The following TRERF1 variants were observed in gnomAD, a reference collection of about 807,000 sequenced individuals.
TRERF1 encodes transcriptional-regulating factor 1.
In TRERF1, 27 loss-of-function variants were observed where a neutral mutation model predicts 122.9. The observed-to-expected ratio is 0.22, with a 90% CI of 0.16 to 0.30. The LOEUF is 0.30. Ranked by LOEUF, TRERF1 falls within the 10% of genes least tolerant of loss-of-function variation. The probability of loss-of-function intolerance (pLI) is 1.00; values close to 1 mark genes in which losing one functional copy is unlikely to be tolerated. For synonymous variants in TRERF1, 636 were observed against 641.7 expected, an observed-to-expected ratio of 0.99 and a Z score of 0.13; for missense variants, 1,248 against 1,560.3, an observed-to-expected ratio of 0.80 and a Z score of 3.37.
chr6:42,314,769 A>G (rs182880590), intron 3 of TRERF1, among the ~76,000 whole-genome samples: 1 of 152,318 alleles, frequency 6.6e-6, no homozygotes, highest in East Asian at 1.9e-4. Flanking sequence ...AGGAACAGCA[A>G]GAGCCCTGTG....
At chr6:42,271,744 C>T (rs953779833) in intron 4 of TRERF1, among the ~76,000 whole-genome samples, 1 of 152,000 alleles carries the variant, frequency 6.6e-6, no homozygotes, top group Non-Finnish European at 1.5e-5. Context: ...TGTGATAACT[C>T]AAACCAGAAG....
At chr6:42,350,686 A>G (rs1033017281) in intron 3 of TRERF1, among the ~76,000 whole-genome samples, 3 of 152,214 alleles carry the variant, frequency 2.0e-5, no homozygotes, top group African/African-American at 7.2e-5. Context: ...ACAGGTCAGG[A>G]AAAAGAGTCT....
intron 2 of TRERF1, among the ~76,000 whole-genome samples, chr6:42,434,096 G>A (rs1294714397): frequency 6.6e-6 from 1 of 152,088 alleles, no homozygotes; most frequent in Non-Finnish European, 1.5e-5. Context: ...AGAAATGACT[G>A]GTGCTGTGGA....
intron 2 of TRERF1, among the ~76,000 whole-genome samples, chr6:42,403,939 C>A (rs111676467): frequency 1.3e-5 from 2 of 152,126 alleles, no homozygotes; most frequent in African/African-American, 4.8e-5. Flanking sequence ...AGACCCCCCC[C>A]AGGCCTTGCC....
chr6:42,300,368 T>C (rs1785956832), intron 4 of TRERF1, among the ~76,000 whole-genome samples: 1 of 152,132 alleles, frequency 6.6e-6, no homozygotes, highest in Non-Finnish European at 1.5e-5. Flanking sequence ...GTAAGACCTG[T>C]CCAAGGTCCC....
chr6:42,234,328 G>T (rs1029080444), intron 16 of TRERF1, among the ~76,000 whole-genome samples: 7 of 149,628 alleles, frequency 4.7e-5, no homozygotes, highest in Admixed American at 2.7e-4. Context: ...TGTTTTTTTT[G>T]TTTGTTTGTT....
chr6:42,308,520 G>C (rs887882450), intron 3 of TRERF1, among the ~76,000 whole-genome samples: 1 of 152,084 alleles, frequency 6.6e-6, no homozygotes, highest in Non-Finnish European at 1.5e-5. Context: ...AAAATGCCTT[G>C]GAACTAGACC....
At chr6:42,408,448 G>A (rs1428060137) in intron 2 of TRERF1, among the ~76,000 whole-genome samples, 5 of 133,284 alleles carry the variant, frequency 3.8e-5, no homozygotes, top group Non-Finnish European at 4.6e-5. Flanking sequence ...GCGTGATCTC[G>A]GCTCACTGCA....
intron 3 of TRERF1, among the ~76,000 whole-genome samples, chr6:42,331,884 G>GA (rs1475525619): frequency 2.0e-5 from 3 of 152,196 alleles, no homozygotes; most frequent in African/African-American, 7.2e-5. Flanking sequence ...AAAGAGTTAG[G>GA]AATGAGGAGT....
At chr6:42,261,985 G>T (rs368876095) in intron 8 of TRERF1, among the ~76,000 whole-genome samples, 22 of 145,988 alleles carry the variant, frequency 1.5e-4, no homozygotes, top group South Asian at 4.2e-4. Flanking sequence ...TTGAAGGGGT[G>T]GGGGGGGTGT....
At chr6:42,402,786 T>A (rs1449260875) in intron 2 of TRERF1, among the ~76,000 whole-genome samples, 2 of 152,174 alleles carry the variant, frequency 1.3e-5, no homozygotes, top group Admixed American at 6.5e-5. Context: ...GCTGCCCTCA[T>A]GGAGATTCTA....
intron 3 of TRERF1, among the ~76,000 whole-genome samples, chr6:42,332,371 T>C (rs1292814612): frequency 2.0e-5 from 3 of 152,120 alleles, no homozygotes; most frequent in Admixed American, 6.5e-5. Context: ...TAGATCCCTA[T>C]AGACAGAAAA....
intron 3 of TRERF1, among the ~76,000 whole-genome samples, chr6:42,311,422 G>T (rs951005413): frequency 1.9e-4 from 29 of 152,162 alleles, no homozygotes; most frequent in African/African-American, 6.7e-4. Flanking sequence ...CTTGGTGGAG[G>T]GAGCCGGCAG....
chr6:42,447,821 C>T (rs1040378567), intron 2 of TRERF1, among the ~76,000 whole-genome samples: 1 of 152,178 alleles, frequency 6.6e-6, no homozygotes, highest in Non-Finnish European at 1.5e-5. Context: ...TCTCATGCCT[C>T]ATCCTCCCAA....
chr6:42,280,818 C>G (rs1303286728), intron 4 of TRERF1, among the ~76,000 whole-genome samples: 1 of 152,188 alleles, frequency 6.6e-6, no homozygotes, highest in Non-Finnish European at 1.5e-5. Flanking sequence ...TCCATGGGAG[C>G]TGCAGAGAAA....
chr6:42,340,931 G>C (rs536214850), intron 3 of TRERF1, among the ~76,000 whole-genome samples: 27 of 152,256 alleles, frequency 1.8e-4, no homozygotes, highest in African/African-American at 6.0e-4. Context: ...ATGCCTATGG[G>C]TGCTGGGAAA....
At chr6:42,384,719 C>CAATTTTAA (rs1199343980) in intron 2 of TRERF1, among the ~76,000 whole-genome samples, 1 of 152,160 alleles carries the variant, frequency 6.6e-6, no homozygotes, top group Admixed American at 6.5e-5. Flanking sequence ...TAGTCAGCTA[C>CAATTTTAA]AATTTTAAAT....
chr6:42,257,134 G>A (rs1776892500), intron 10 of TRERF1, 32 bp from the exon 11 acceptor site: 3 of 1,611,286 alleles, frequency 1.9e-6, no homozygotes, highest in Non-Finnish European at 2.5e-6. Context: ...ACAACAATGT[G>A]GTCTTCAATT....
chr6:42,307,906 T>C (rs1258893545), intron 3 of TRERF1, among the ~76,000 whole-genome samples: 1 of 152,142 alleles, frequency 6.6e-6, no homozygotes, highest in Admixed American at 6.5e-5. Context: ...TGGGAACTTG[T>C]GAAGAATGAA....
Sources: allele counts gnomAD v4.1 joint callset (sites outside exome capture counted in the v4.1 genomes callset), GRCh38; gene constraint gnomAD v4.1.1; transcripts MANE v1.5; gene names NCBI Gene and HGNC (gene_info 2026-07-23, HGNC 2026-07-21).